The following IQGAP1 variants were observed in gnomAD, a reference collection of about 807,000 sequenced individuals.
The protein encoded by IQGAP1 is IQ motif containing GTPase activating protein 1.
IQGAP1 carries 66 observed loss-of-function variants against 215.6 expected under a neutral mutation model. The observed-to-expected ratio is 0.31, with a 90% confidence interval of 0.25 to 0.38. The LOEUF (loss-of-function observed/expected upper bound fraction) is 0.38. IQGAP1 is among the 10% of genes least tolerant of loss of function. The pLI, the probability that IQGAP1 is intolerant of heterozygous loss-of-function variation, is 1.00. For missense variants in IQGAP1, 1,712 were observed against 1,997.1 expected, an observed-to-expected ratio of 0.86 and a Z score of 2.72; for synonymous variants, 772 against 728.7, an observed-to-expected ratio of 1.06 and a Z score of -0.96.
At chr15:90,444,543 C>T (rs777998617) in intron 9 of IQGAP1, among the ~76,000 whole-genome samples, 41 of 152,240 alleles carry the variant, frequency 2.7e-4, no homozygotes, top group Non-Finnish European at 3.4e-4. Flanking sequence ...CTTGGCCTCC[C>T]AAATTGCTGG....
At chr15:90,493,911 T>C (rs1280295154) in intron 35 of IQGAP1, 2 of 152,268 alleles carry the variant, frequency 1.3e-5, no homozygotes, top group Admixed American at 1.3e-4. Flanking sequence ...ATGCCTGGTT[T>C]CTTTGAATGA....
In IQGAP1 at chr15:90,501,685, G is replaced by T. The variant is rs1407382884; in HGVS notation, c.*1577G>T. On this transcript the variant is annotated 3_prime_UTR_variant, in exon 38 of 38. Transcript: ENST00000268182. ...AAGGATTCGCCACTACCCAGACCTTGTTTTTTGTTGTATTTTGGAAGACAG... is the reference window on the plus strand; with the variant it reads ...AAGGATTCGCCACTACCCAGACCTTTTTTTTTGTTGTATTTTGGAAGACAG... 1.3e-5 allele frequency: 2 copies of T among 152,124 alleles called. No individual in the cohort carries two copies. Among genetic ancestry groups the T allele is most frequent in the Non-Finnish European group, 1.5e-5 (1 of 68,020 alleles). The allele number at this position is 152,124 out of a possible 1,614,324, so 9.4% of individuals were successfully genotyped here.
chr15:90,484,147 T>A, intron 29 of IQGAP1, 73 bp from the exon 30 acceptor site: 2 of 1,359,674 alleles, frequency 1.5e-6, no homozygotes, highest in South Asian at 1.3e-5. Flanking sequence ...GTGTGAGAGG[T>A]TTGTGAAATG....
chr15:90,486,562 T>G (rs558387001), intron 31 of IQGAP1: 129 of 181,232 alleles, frequency 7.1e-4, no homozygotes, highest in African/African-American at 2.9e-3. Context: ...CTGAGTTGTT[T>G]TTTTTTTTTT....
intron 2 of IQGAP1, among the ~76,000 whole-genome samples, chr15:90,416,920 A>G (rs1596256288): frequency 6.6e-6 from 1 of 152,074 alleles, no homozygotes; most frequent in East Asian, 1.9e-4. Flanking sequence ...CTGGTGTGAG[A>G]TGGTATCTCG....
chr15:90,441,490 T>A lies in IQGAP1; in HGVS notation c.650-16T>A. 6.3e-7 allele frequency: 1 copy of A among 1,597,134 alleles called. No individual in the cohort carries two copies. Among genetic ancestry groups the A allele is most frequent in the Non-Finnish European group, 8.5e-7 (1 of 1,172,648 alleles). Reference sequence around the variant, plus strand: ...TCAGTGTTTTTGTTGGTTTGTTTTTTTGTTTTTTTTTTTAGTACATGCTGC... The same window carrying A: ...TCAGTGTTTTTGTTGGTTTGTTTTTATGTTTTTTTTTTTAGTACATGCTGC... On this transcript the variant is annotated splice_polypyrimidine_tract_variant and intron_variant, in intron 7 of 37. Transcript: ENST00000268182.
chr15:90,417,173 T>C (rs1429464323), intron 2 of IQGAP1, among the ~76,000 whole-genome samples: 1 of 152,222 alleles, frequency 6.6e-6, no homozygotes, highest in Non-Finnish European at 1.5e-5. Flanking sequence ...TTCACTCTGA[T>C]GGTAGTTTCT....
chr15:90,479,065 T>G (rs1262255280), intron 26 of IQGAP1, among the ~76,000 whole-genome samples: 2 of 152,074 alleles, frequency 1.3e-5, no homozygotes, highest in Non-Finnish European at 2.9e-5. Context: ...AGCAGCATGG[T>G]CTGTTGTGGT....
intron 2 of IQGAP1, among the ~76,000 whole-genome samples, chr15:90,395,430 C>G (rs961523616): frequency 1.3e-5 from 2 of 152,060 alleles, no homozygotes; most frequent in African/African-American, 2.4e-5. Flanking sequence ...ACGCCATTCT[C>G]CTGGCTCAGC....
At chr15:90,478,588 A>G (rs1044587028) in intron 26 of IQGAP1, among the ~76,000 whole-genome samples, 1 of 152,242 alleles carries the variant, frequency 6.6e-6, no homozygotes, top group Admixed American at 6.5e-5. Context: ...GGGAGCTAAC[A>G]TAAGGTGGTT....
At chr15:90,413,823 T>G (rs1965003951) in intron 2 of IQGAP1, among the ~76,000 whole-genome samples, 1 of 152,192 alleles carries the variant, frequency 6.6e-6, no homozygotes, top group Admixed American at 6.5e-5. Flanking sequence ...CTAATCCTGC[T>G]TTATATATGG....
intron 5 of IQGAP1, among the ~76,000 whole-genome samples, chr15:90,435,494 A>G (rs1457242091): frequency 6.6e-6 from 1 of 152,142 alleles, no homozygotes; most frequent in Non-Finnish European, 1.5e-5. Flanking sequence ...AAAACAAAAC[A>G]TTACCAAATA....
At chr15:90,466,616 G>T in intron 17 of IQGAP1, among the ~76,000 whole-genome samples, 180 bp downstream of exon 17, 2 of 142,478 alleles carry the variant, frequency 1.4e-5, no homozygotes, top group African/African-American at 5.6e-5. Context: ...CCCCCCCCTT[G>T]TGGACAGCTG....
At chr15:90,429,296 T>A (rs1290436023) in intron 3 of IQGAP1, among the ~76,000 whole-genome samples, 1 of 152,196 alleles carries the variant, frequency 6.6e-6, no homozygotes, top group Non-Finnish European at 1.5e-5. Context: ...ATGAAGTGGC[T>A]TTTCCAGTGT....
intron 8 of IQGAP1, 58 bp from the exon 9 acceptor site, chr15:90,443,336 T>C (rs1965478959): frequency 1.9e-6 from 2 of 1,027,422 alleles, no homozygotes; most frequent in Non-Finnish European, 3.1e-6. Context: ...CACGTGTATT[T>C]ATGTGGTCTT....
chr15:90,445,913 C>T (rs895073367), intron 9 of IQGAP1, among the ~76,000 whole-genome samples: 4 of 151,438 alleles, frequency 2.6e-5, no homozygotes, highest in East Asian at 1.9e-4. Flanking sequence ...CTCACTGCAA[C>T]CTCTGCCTCC....
At chr15:90,399,004 CAA>C (rs771595366) in intron 2 of IQGAP1, among the ~76,000 whole-genome samples, 133 of 86,864 alleles carry the variant, frequency 1.5e-3, no homozygotes, top group South Asian at 6.6e-3. Context: ...GACATTGTCT[CAA>C]AAAAAAAAAA....
At chr15:90,404,194 A>G (rs990861028) in intron 2 of IQGAP1, among the ~76,000 whole-genome samples, 8 of 152,214 alleles carry the variant, frequency 5.3e-5, no homozygotes, top group African/African-American at 1.9e-4. Context: ...CAAAGGGAAT[A>G]TGCATATTTA....
Position 90,433,062 on chromosome 15 carries a change from A to G in IQGAP1, c.391-657A>G, listed in dbSNP as rs542038631. Among the ~76,000 whole-genome samples, 38 of 152,320 alleles carry G rather than the reference A, an allele frequency of 2.5e-4. No individual in the cohort carries two copies. The South Asian group carries it at 7.9e-3, about 32-fold the overall frequency. ...CTAGCCCTGCCTTCGTGTGGCTTAT[A>G]GTCTGTTGGAGTAGCCAAACAGATA... On this transcript the variant is annotated intron_variant, in intron 4 of 37. Coordinates refer to ENST00000268182, the MANE Select transcript of IQGAP1 (RefSeq NM_003870.4).
Sources: gnomAD v4.1 joint callset for allele counts (sites outside exome capture counted in the v4.1 genomes callset) on GRCh38, gnomAD v4.1.1 for gene constraint, MANE v1.5 for transcripts, NCBI Gene and HGNC (gene_info 2026-07-23, HGNC 2026-07-21) for gene names.